Variants in PDLIM2 observed in about 807,000 individuals in gnomAD.
The protein encoded by PDLIM2 is PDZ and LIM domain 2.
In PDLIM2, 51 loss-of-function variants were observed where a neutral mutation model predicts 54.1. That is an observed-to-expected ratio of 0.94 (90% CI 0.75 to 1.19). The LOEUF (loss-of-function observed/expected upper bound fraction) is 1.19, where lower values mean the gene tolerates loss of function less well. Ranked by LOEUF, PDLIM2 falls within the 50% of genes most tolerant of loss-of-function variation. The pLI is 0.00. For missense variants in PDLIM2, 912 were observed against 874.0 expected (o/e 1.04, Z -0.55); for synonymous variants, 398 against 385.6 (o/e 1.03, Z -0.38).
At chr8:22,581,470 A>T (rs916953241) in exon 3 of PDLIM2, 2 of 1,606,512 alleles carry the variant, frequency 1.2e-6, no homozygotes, top group Middle Eastern at 1.6e-4. Flanking sequence ...GGCATGCTGC[A>T]TGCCGAGGCC....
At chr8:22,580,503 T>C in intron 1 of PDLIM2, 1 of 1,592,422 alleles carries the variant, frequency 6.3e-7, no homozygotes. Context: ...GGAGCTGTGG[T>C]GCCCTCTCCT....
At chr8:22,581,343 C>T (rs775435826) in intron 2 of PDLIM2, 36 bp from the exon 2 acceptor site, 6 of 1,562,328 alleles carry the variant, frequency 3.8e-6, no homozygotes, top group Non-Finnish European at 5.2e-6. Flanking sequence ...TCCAGCTGGG[C>T]CACGGTCTGA....
chr8:22,586,264 A>C (rs576928002), intron 6 of PDLIM2, among the ~76,000 whole-genome samples: 207 of 152,310 alleles, frequency 1.4e-3, no homozygotes, highest in African/African-American at 4.9e-3. Flanking sequence ...GCGGCTGCCT[A>C]GTGACCCGCT....
At chr8:22,594,299 G>A (rs1800636600), downstream of PDLIM2, 2 of 1,410,244 alleles carry the variant, frequency 1.4e-6, no homozygotes, top group Admixed American at 3.0e-5. Flanking sequence ...ACAAAATAAA[G>A]TAGATGTCCC....
rs545041055 is a variant in PDLIM2 at position 22,586,221 on chromosome 8, A to G, written c.1290+822A>G. ...AGAACCCAGAGGCTCTGGAGGAGGA[A>G]GGAGCAGGATCTTTCTGGGGGCCTT... On this transcript the variant is annotated intron_variant, in intron 6 of 9. Transcript: ENST00000308354. Among the ~76,000 whole-genome samples, 4 of 152,342 alleles carry G rather than the reference A, an allele frequency of 2.6e-5. 1 individual carries two copies. Among genetic ancestry groups the G allele is most frequent in the African/African-American group, 9.6e-5 (4 of 41,582 alleles).
chr8:22,579,077 C>T, exon 1 of PDLIM2: 1 of 1,255,038 alleles, frequency 8.0e-7, no homozygotes, highest in Non-Finnish European at 1.0e-6. Flanking sequence ...CAGGGGCGGC[C>T]CCGGGATCAC....
rs563705204 is a variant in PDLIM2, at chr8:22,594,127, A to G, written c.*217A>G. The G allele has an allele frequency of 7.2e-5, 103 of 1,426,558 alleles. No homozygotes were observed. In the African/African-American group the frequency reaches 1.3e-3, roughly 18 times the overall value. The allele number at this position is 1,426,558 out of a possible 1,614,324, so 88.4% of individuals were successfully genotyped here. On this transcript the variant is annotated 3_prime_UTR_variant, in exon 10 of 10. Transcript: ENST00000308354. Reference sequence around the variant, plus strand: ...CAGGCCTCTCCCCTGCAGGACTGGCATTGCACTAGTCTGAGGTGGCCACTG... The same window carrying G: ...CAGGCCTCTCCCCTGCAGGACTGGCGTTGCACTAGTCTGAGGTGGCCACTG...
At chr8:22,585,036 C>T (rs773855526) in exon 5 of PDLIM2, 3 of 1,614,020 alleles carry the variant, frequency 1.9e-6, no homozygotes, top group Non-Finnish European at 2.5e-6. Flanking sequence ...AGGACATACA[C>T]TGAGAGTCAG....
exon 10 of PDLIM2, chr8:22,593,898 C>T (rs1395981777): frequency 1.3e-6 from 2 of 1,546,630 alleles, no homozygotes; most frequent in Non-Finnish European, 8.7e-7. Flanking sequence ...CCACCCTCAG[C>T]TCTCGGGCCT....
At chr8:22,587,554 A>G (rs1399166817) in intron 6 of PDLIM2, among the ~76,000 whole-genome samples, 1 of 151,720 alleles carries the variant, frequency 6.6e-6, no homozygotes, top group African/African-American at 2.4e-5. Context: ...CCCAGCACAC[A>G]TTTCGAGAGG....
intron 2 of PDLIM2, chr8:22,581,154 T>G: frequency 1.5e-6 from 1 of 660,238 alleles, no homozygotes; most frequent in East Asian, 2.8e-5. Context: ...CCACTGCACA[T>G]TCTTTGGGAG....
rs375066735 is a variant in PDLIM2 at position 22,584,878 on chromosome 8, G to A, written c.1053G>A (p.Ala351=). ...GGGACAGCTCCTTGGAAGTGCTGGC[G>A]ACTCGCTTCCAGGTAAGCTGGTGCC... The change falls in exon 4 of 10, where the codon GCG becomes GCA. Residue 351 remains alanine (A), a synonymous_variant. Coordinates refer to ENST00000308354, the Ensembl canonical transcript of PDLIM2. 1.2e-5 allele frequency: 20 copies of A among 1,614,112 alleles called. No homozygotes were observed. The African/African-American group carries it at 2.4e-4, about 19-fold the overall frequency.
rs1183019582 is a variant in PDLIM2, at chr8:22,580,571, T to G, written c.749-32T>G. On this transcript the variant is annotated intron_variant, in intron 1 of 9. It removes an upstream start codon present in the reference 5' UTR. Transcript: ENST00000308354. ...GTGCCCCCAGAGCCGGCTAGGGGCA[T>G]GGACTTCACCTCCTGGTCCTCTCTT... 1 of 1,613,478 alleles carries G rather than the reference T, an allele frequency of 6.2e-7. No homozygotes were observed. Among genetic ancestry groups the G allele is most frequent in the Non-Finnish European group, 8.5e-7 (1 of 1,179,944 alleles).
At chr8:22,588,677 TGGCCCAGGG>T in intron 6 of PDLIM2, 1 of 153,346 alleles carries the variant, frequency 6.5e-6, no homozygotes, top group Non-Finnish European at 1.5e-5. Flanking sequence ...TGCCTGAGTG[TGGCCCAGGG>T]AGGGCTCGGC....
chr8:22,585,354 C>T (rs368539331), exon 6 of PDLIM2: 33 of 1,612,436 alleles, frequency 2.0e-5, no homozygotes, highest in Middle Eastern at 3.3e-4. Flanking sequence ...CGGGCCTCCC[C>T]GCTGCTGACC....
At chr8:22,592,487 G>A (rs1406136526) in intron 9 of PDLIM2, 1 of 152,218 alleles carries the variant, frequency 6.6e-6, no homozygotes, top group Non-Finnish European at 1.5e-5. Flanking sequence ...TGTAGTGTGG[G>A]AGGGGCAGGT....
intron 3 of PDLIM2, among the ~76,000 whole-genome samples, chr8:22,581,875 C>G (rs1219158408): frequency 6.6e-6 from 1 of 152,250 alleles, no homozygotes; most frequent in African/African-American, 2.4e-5. Flanking sequence ...AAGAGGGGAA[C>G]CTTCTGGGAA....
intron 8 of PDLIM2, chr8:22,590,059 A>G: frequency 2.7e-6 from 1 of 374,544 alleles, no homozygotes; most frequent in Non-Finnish European, 4.9e-6. Context: ...TTGGAGGAAG[A>G]GGGATTTGAC....
chr8:22,579,591 A>G (rs1586916998), intron 1 of PDLIM2: 7 of 1,399,044 alleles, frequency 5.0e-6, no homozygotes, highest in Non-Finnish European at 6.5e-6. Context: ...GGTGCTGGGA[A>G]CAGAGGCTAG....
Sources: allele counts gnomAD v4.1 joint callset (sites outside exome capture counted in the v4.1 genomes callset), GRCh38; gene constraint gnomAD v4.1.1; transcripts MANE v1.5; gene names NCBI Gene and HGNC (gene_info 2026-07-23, HGNC 2026-07-21).